IFNAR1: variants seen among roughly 807,000 people sequenced by gnomAD.
IFNAR1 encodes the protein interferon alpha and beta receptor subunit 1.
A neutral mutation model predicts 62.1 loss-of-function variants in IFNAR1; 47 were observed. The observed-to-expected ratio is 0.76, with a 90% CI of 0.60 to 0.97. The LOEUF (loss-of-function observed/expected upper bound fraction) is 0.97, where lower values mean the gene tolerates loss of function less well. Among genes scored for constraint, IFNAR1 ranks in the 50% least tolerant of loss-of-function variants. The probability of loss-of-function intolerance (pLI) is 0.00; values close to 1 mark genes in which losing one functional copy is unlikely to be tolerated. For synonymous variants in IFNAR1, 219 were observed against 226.9 expected (o/e 0.97, Z 0.31); for missense variants, 638 against 654.5 (o/e 0.97, Z 0.27).
intron 1 of IFNAR1, 49 bp from the exon 2 acceptor site, chr21:33,335,475 T>A: frequency 9.1e-7 from 1 of 1,096,558 alleles, no homozygotes; most frequent in South Asian, 1.5e-5. Flanking sequence ...ACATTTAGAA[T>A]ATCTGTACAG....
chr21:33,343,494 T>G, intron 4 of IFNAR1, 41 bp from the exon 5 acceptor site: 1 of 1,549,496 alleles, frequency 6.5e-7, no homozygotes, highest in Non-Finnish European at 8.9e-7. Context: ...AAAATTTGAC[T>G]TTATACTTTT....
intron 6 of IFNAR1, among the ~76,000 whole-genome samples, chr21:33,347,470 T>A (rs2083360530): frequency 6.6e-6 from 1 of 152,078 alleles, no homozygotes; most frequent in African/African-American, 2.4e-5. Context: ...TTTCTCCATG[T>A]TTGCCAGGCT....
At chr21:33,334,530 C>T in intron 1 of IFNAR1, 1 of 450,054 alleles carries the variant, frequency 2.2e-6, no homozygotes, top group East Asian at 5.6e-5. Context: ...TAGACAAAAG[C>T]TAAGGGAGTT....
intron 1 of IFNAR1, among the ~76,000 whole-genome samples, chr21:33,328,729 A>G (rs920081964): frequency 6.6e-6 from 1 of 152,176 alleles, no homozygotes; most frequent in Non-Finnish European, 1.5e-5. Flanking sequence ...ACAGATATCT[A>G]TATTTGGATT....
chr21:33,340,284 A>AG (rs927283124), intron 2 of IFNAR1, among the ~76,000 whole-genome samples: 4 of 152,102 alleles, frequency 2.6e-5, no homozygotes, highest in Admixed American at 6.6e-5. Flanking sequence ...GGTCTTTCTT[A>AG]GGGAAGGTAA....
At chr21:33,346,577 T>G (rs2083349310) in intron 6 of IFNAR1, among the ~76,000 whole-genome samples, 1 of 152,220 alleles carries the variant, frequency 6.6e-6, no homozygotes, top group Non-Finnish European at 1.5e-5. Context: ...GTATTTCTGA[T>G]AGCTGATCTC....
chr21:33,345,398 GT>G (rs1467080938), intron 6 of IFNAR1, 38 bp downstream of exon 6: 1 of 1,129,936 alleles, frequency 8.9e-7, no homozygotes, highest in South Asian at 1.2e-5. Flanking sequence ...TGCCCAGTTT[GT>G]TTTGATTATG....
intron 1 of IFNAR1, among the ~76,000 whole-genome samples, chr21:33,330,055 T>C (rs1205013921): frequency 6.6e-6 from 1 of 152,224 alleles, no homozygotes; most frequent in African/African-American, 2.4e-5. Context: ...AATTTTGGTC[T>C]ATTTGAGCTC....
intron 1 of IFNAR1, among the ~76,000 whole-genome samples, chr21:33,326,420 G>A (rs1021738277): frequency 3.3e-5 from 5 of 152,056 alleles, no homozygotes; most frequent in Non-Finnish European, 5.9e-5. Context: ...GGCCAGGCTG[G>A]TCTCGAACTC....
In IFNAR1 at chr21:33,352,772, GA is replaced by G. The variant is rs755139751; in HGVS notation, c.1165del (p.Thr389LeufsTer8). ...TSNAERKIIE[K>X]KTDVTVPNLK... is the part of the protein sequence containing the mutation. ...ATATTTTCTAGAGAAAAATTATCGA[GA>G]AAAAAACTGATGTTACAGTTCCTAA... is the stretch of plus-strand genomic sequence containing the variant. On this transcript the variant is annotated frameshift_variant, in exon 9 of 11. Transcript: ENST00000270139. LOFTEE classifies it high-confidence loss of function. 4 of 1,515,046 alleles carry G rather than the reference GA, an allele frequency of 2.6e-6. No individual in the cohort carries two copies. Among genetic ancestry groups the G allele is most frequent in the East Asian group, 2.3e-5 (1 of 43,874 alleles). 93.9% of individuals were successfully genotyped at this position (1,515,046 alleles called of 1,614,324 possible).
intron 5 of IFNAR1, among the ~76,000 whole-genome samples, chr21:33,345,001 G>A (rs1004072256): frequency 9.2e-5 from 14 of 151,828 alleles, no homozygotes; most frequent in African/African-American, 1.2e-4. Flanking sequence ...TTGGCCAGGC[G>A]CGTCTCGAAC....
At chr21:33,339,320 A>G (rs563697644) in intron 2 of IFNAR1, among the ~76,000 whole-genome samples, 7 of 152,152 alleles carry the variant, frequency 4.6e-5, no homozygotes, top group East Asian at 3.9e-4. Context: ...CAGGCCTCAG[A>G]TATGTAAAAG....
chr21:33,354,257 G>A (rs1269433300), intron 10 of IFNAR1, among the ~76,000 whole-genome samples: 1 of 151,994 alleles, frequency 6.6e-6, no homozygotes, highest in Admixed American at 6.5e-5. Context: ...CAGGGGGATC[G>A]CTTGAACCTG....
At chr21:33,324,878 G>T, upstream of IFNAR1, 1 of 423,212 alleles carries the variant, frequency 2.4e-6, no homozygotes, top group South Asian at 3.2e-5. Context: ...GGAACGGCGC[G>T]TGCGCGGAGG....
At chr21:33,341,247 C>T in intron 3 of IFNAR1, 73 bp downstream of exon 3, 2 of 1,167,556 alleles carry the variant, frequency 1.7e-6, no homozygotes, top group Non-Finnish European at 2.4e-6. Flanking sequence ...CCAAGCCATT[C>T]ATTTGCATGA....
intron 1 of IFNAR1, among the ~76,000 whole-genome samples, chr21:33,325,736 C>G (rs1176914894): frequency 2.6e-5 from 4 of 152,156 alleles, no homozygotes; most frequent in Admixed American, 6.5e-5. Context: ...GGCAGTAAGG[C>G]AAATAGTTCT....
intron 4 of IFNAR1, 23 bp downstream of exon 4, chr21:33,343,445 T>C: frequency 6.3e-7 from 1 of 1,599,666 alleles, no homozygotes. Flanking sequence ...TTTACCTCTG[T>C]TTAATCGATG....
upstream of IFNAR1, chr21:33,324,821 G>A (rs989508715): frequency 1.2e-5 from 7 of 564,858 alleles, no homozygotes; most frequent in African/African-American, 1.3e-4. Flanking sequence ...GGGGCAATGG[G>A]AGCTTGGAGA....
rs59240203 is a variant in IFNAR1, at chr21:33,333,614, A to ATTTTTTTTTTTTT, written c.77-1899_77-1898insTTTTTTTTTTTTT. Among the ~76,000 whole-genome samples the ATTTTTTTTTTTTT allele has an allele frequency of 3.1e-4, 33 of 106,990 alleles. 1 individual carries two copies. The highest frequency in any genetic ancestry group is 1.0e-3 in the South Asian group (3 of 2,978). 70.2% of individuals were successfully genotyped at this position (106,990 alleles called of 152,430 possible). A position where few individuals can be genotyped will look rare whatever the true frequency, so the allele number is the denominator to read the frequency against. ...CCATACTTAAAGAGACTGGCGGAAT[A>ATTTTTTTTTTTTT]TTTTTTTTTTTCTTTTTTTTTTTTT... On this transcript the variant is annotated intron_variant, in intron 1 of 10. Transcript: ENST00000270139.
Sources: gnomAD v4.1 joint callset for allele counts (sites outside exome capture counted in the v4.1 genomes callset) on GRCh38, gnomAD v4.1.1 for gene constraint, MANE v1.5 for transcripts, NCBI Gene and HGNC (gene_info 2026-07-23, HGNC 2026-07-21) for gene names.